Variants in SYN3 observed in about 807,000 individuals in gnomAD.
SYN3 encodes synapsin III.
A neutral mutation model predicts 65.8 loss-of-function variants in SYN3; 35 were observed. That is an observed-to-expected ratio of 0.53 (90% CI 0.41 to 0.70). The LOEUF (loss-of-function observed/expected upper bound fraction) is 0.70, where lower values mean the gene tolerates loss of function less well. SYN3 is among the 30% of genes least tolerant of loss of function. SYN3 has a pLI of 0.00. For synonymous variants in SYN3, 270 were observed against 292.9 expected, an observed-to-expected ratio of 0.92 and a Z score of 0.80; for missense variants, 680 against 749.0, an observed-to-expected ratio of 0.91 and a Z score of 1.08.
chr22:32,672,232 C>T (rs892513924), intron 6 of SYN3, among the ~76,000 whole-genome samples: 5 of 152,212 alleles, frequency 3.3e-5, no homozygotes, highest in Non-Finnish European at 7.3e-5. Flanking sequence ...TATTAATACA[C>T]AATGTCTTGC....
At chr22:32,535,579 C>T (rs1465975196) in intron 9 of SYN3, among the ~76,000 whole-genome samples, 1 of 152,168 alleles carries the variant, frequency 6.6e-6, no homozygotes, top group East Asian at 1.9e-4. Flanking sequence ...GTGAGCTCTG[C>T]CCTGAGACAC....
chr22:32,576,958 C>T (rs187283875), intron 7 of SYN3, among the ~76,000 whole-genome samples: 9 of 152,154 alleles, frequency 5.9e-5, no homozygotes, highest in Admixed American at 2.0e-4. Flanking sequence ...GCATGAAACA[C>T]TCTCATGATC....
At chr22:32,697,541 C>T (rs1156948307) in intron 6 of SYN3, among the ~76,000 whole-genome samples, 1 of 152,164 alleles carries the variant, frequency 6.6e-6, no homozygotes, top group African/African-American at 2.4e-5. Context: ...GATAAGCAAT[C>T]CATATAAGAT....
chr22:32,859,644 T>C (rs1258280655), intron 6 of SYN3: 1 of 516,226 alleles, frequency 1.9e-6, no homozygotes, highest in South Asian at 2.7e-5. Context: ...GAGGAACCTG[T>C]ATTCCTCTTC....
chr22:32,952,598 A>T (rs1406832917), intron 3 of SYN3, among the ~76,000 whole-genome samples: 1 of 151,964 alleles, frequency 6.6e-6, no homozygotes, highest in African/African-American at 2.4e-5. Context: ...TCTACAAAAA[A>T]TTTAAAAATC....
At chr22:32,818,293 G>A (rs934512269) in intron 6 of SYN3, among the ~76,000 whole-genome samples, 2 of 152,136 alleles carry the variant, frequency 1.3e-5, no homozygotes, top group African/African-American at 4.8e-5. Context: ...AAGCAAGGAC[G>A]GGCACATCCA....
chr22:32,685,942 C>T (rs1211413957), intron 6 of SYN3, among the ~76,000 whole-genome samples: 1 of 151,938 alleles, frequency 6.6e-6, no homozygotes, highest in Non-Finnish European at 1.5e-5. Flanking sequence ...GGAAAATGTG[C>T]CTGTTATAGT....
At chr22:32,554,628 A>AAAAT (rs1478794545) in intron 7 of SYN3, among the ~76,000 whole-genome samples, 1 of 152,146 alleles carries the variant, frequency 6.6e-6, no homozygotes, top group Non-Finnish European at 1.5e-5. Flanking sequence ...TGCTTTCTTT[A>AAAAT]AAATAGCCAA....
At position 32,813,657 on chromosome 22, in the gene SYN3, C is replaced by T. The variant is rs1303474326; in HGVS notation, c.711+51258G>A. On this transcript the variant is annotated intron_variant, in intron 6 of 13. Transcript: ENST00000358763. ...AATTCTCGGATCTCTGAGTGAGTAA[C>T]ACCCAATTTTTTTTTTTTTGGCAAA... Among the ~76,000 whole-genome samples the T allele has an allele frequency of 3.8e-5, 5 of 132,618 alleles. No individual in the cohort carries two copies. In the East Asian group the frequency reaches 1.1e-3, roughly 28 times the overall value. 87.0% of individuals were successfully genotyped at this position (132,618 alleles called of 152,430 possible). A position where few individuals can be genotyped will look rare whatever the true frequency, so the allele number is the denominator to read the frequency against.
intron 4 of SYN3, among the ~76,000 whole-genome samples, chr22:32,917,545 C>CA (rs1479540637): frequency 6.6e-6 from 1 of 152,166 alleles, no homozygotes; most frequent in Non-Finnish European, 1.5e-5. Context: ...CCCACAGTGG[C>CA]ATATGTCAGG....
intron 3 of SYN3, among the ~76,000 whole-genome samples, chr22:32,951,998 C>T (rs776066972): frequency 3.3e-5 from 5 of 152,238 alleles, no homozygotes; most frequent in African/African-American, 4.8e-5. Flanking sequence ...GTCCACTTCC[C>T]GGCACAGGCT....
chr22:32,919,811 C>T (rs761485296), intron 4 of SYN3, among the ~76,000 whole-genome samples: 5 of 152,162 alleles, frequency 3.3e-5, no homozygotes, highest in African/African-American at 7.2e-5. Flanking sequence ...GGGGCTGATA[C>T]GCTGGGAGGA....
At chr22:32,937,331 C>T (rs531790969) in intron 3 of SYN3, among the ~76,000 whole-genome samples, 2 of 152,282 alleles carry the variant, frequency 1.3e-5, no homozygotes, top group African/African-American at 4.8e-5. Flanking sequence ...AGAAAATGCA[C>T]CGCTAGGCTT....
intron 4 of SYN3, among the ~76,000 whole-genome samples, chr22:32,909,620 G>GC (rs1000773836): frequency 1.4e-4 from 10 of 73,566 alleles, no homozygotes; most frequent in Admixed American, 9.7e-4. Context: ...TGCCACCCCC[G>GC]CCCCCCCACC....
intron 6 of SYN3, among the ~76,000 whole-genome samples, chr22:32,655,841 CTGAAA>C (rs1265447327): frequency 6.6e-6 from 1 of 152,120 alleles, no homozygotes; most frequent in Admixed American, 6.5e-5. Context: ...TTGAGTCATC[CTGAAA>C]CCATCCCTCC....
At chr22:32,586,052 GTGTA>G (rs2059031482) in intron 7 of SYN3, among the ~76,000 whole-genome samples, 1 of 142,714 alleles carries the variant, frequency 7.0e-6, no homozygotes, top group African/African-American at 2.5e-5. Flanking sequence ...ATGTATATAT[GTGTA>G]TATGTATATA....
rs372331854 is a variant in SYN3, at chr22:32,542,772, G to C, written c.775-1059C>G. On this transcript the variant is annotated intron_variant, in intron 7 of 13. Transcript: ENST00000358763. The stretch of plus-strand genomic sequence containing the variant: ...CACAGAGAGGTGTCCTGGGCTTGGG[G>C]AGAGGTCCCAGGAGAGCTTCCAAGG... Among the ~76,000 whole-genome samples, 34 of 152,026 alleles carry C rather than the reference G, an allele frequency of 2.2e-4. No individual in the cohort carries two copies. In the South Asian group the frequency reaches 6.8e-3, roughly 31 times the overall value.
intron 1 of SYN3, among the ~76,000 whole-genome samples, chr22:33,030,490 C>T (rs966396046): frequency 2.0e-5 from 3 of 151,418 alleles, no homozygotes; most frequent in Admixed American, 2.0e-4. Context: ...TATAGAGAGA[C>T]TGTGACAGAG....
At chr22:32,708,381 C>T (rs916676868) in intron 6 of SYN3, among the ~76,000 whole-genome samples, 2 of 152,146 alleles carry the variant, frequency 1.3e-5, no homozygotes, top group African/African-American at 2.4e-5. Flanking sequence ...ATTCCCACCA[C>T]GATGTAGTAG....
Sources: gnomAD v4.1 joint callset for allele counts (sites outside exome capture counted in the v4.1 genomes callset) on GRCh38, gnomAD v4.1.1 for gene constraint, MANE v1.5 for transcripts, NCBI Gene and HGNC (gene_info 2026-07-23, HGNC 2026-07-21) for gene names.